Variants in INSC observed in about 807,000 individuals in gnomAD.
The protein encoded by INSC is INSC spindle orientation adaptor protein.
A neutral mutation model predicts 58.6 loss-of-function variants in INSC; 67 were observed. The observed-to-expected ratio is 1.14, with a 90% CI of 0.94 to 1.40. The LOEUF is 1.40. Ranked by LOEUF, INSC falls within the 40% of genes most tolerant of loss-of-function variation. The pLI is 0.00. For synonymous variants in INSC, 262 were observed against 276.1 expected (o/e 0.95, Z 0.51); for missense variants, 714 against 692.0 (o/e 1.03, Z -0.36).
chr11:15,122,802 AC>A (rs1847904445), intron 1 of INSC, among the ~76,000 whole-genome samples: 2 of 152,126 alleles, frequency 1.3e-5, no homozygotes, highest in Non-Finnish European at 2.9e-5. Flanking sequence ...CCTTATATCC[AC>A]ACTGGCTCCC....
At chr11:15,193,897 T>C (rs940259557) in intron 6 of INSC, among the ~76,000 whole-genome samples, 1 of 152,056 alleles carries the variant, frequency 6.6e-6, no homozygotes, top group African/African-American at 2.4e-5. Flanking sequence ...CTGTACCAGG[T>C]TGGTCTGCAG....
chr11:15,230,245 G>A (rs1056343236), intron 9 of INSC, among the ~76,000 whole-genome samples: 1 of 150,998 alleles, frequency 6.6e-6, no homozygotes, highest in Non-Finnish European at 1.5e-5. Flanking sequence ...AAGAAAAAAG[G>A]TTTAATTGGC....
chr11:15,256,961 A>T, the INSC span, among the ~76,000 whole-genome samples: 1 of 152,206 alleles, frequency 6.6e-6, no homozygotes, highest in African/African-American at 2.4e-5. Context: ...TTCAACTGTC[A>T]TTCCAGGGCT....
chr11:15,141,789 C>T (rs1329757310), intron 1 of INSC, among the ~76,000 whole-genome samples: 3 of 152,100 alleles, frequency 2.0e-5, no homozygotes, highest in East Asian at 3.9e-4. Flanking sequence ...GAGCTCTTTG[C>T]AGTCCTTCTT....
Position 15,200,771 on chromosome 11 carries a change from G to T in INSC, c.694-53G>T, listed in dbSNP as rs1850551789. 6.2e-6 allele frequency: 10 copies of T among 1,608,430 alleles called. No homozygotes were observed. In the Admixed American group the frequency reaches 1.0e-4, roughly 16 times the overall value. On this transcript the variant is annotated intron_variant, in intron 6 of 12. Transcript: ENST00000379556. ...AGGGATGTCACTTATTCTTGAGTTA[G>T]CCCCAGACAAGGTCACACAGTAAGA...
chr11:15,172,259 T>C (rs768912124), intron 2 of INSC, among the ~76,000 whole-genome samples: 2 of 152,280 alleles, frequency 1.3e-5, no homozygotes, highest in Non-Finnish European at 2.9e-5. Flanking sequence ...TAGAACACAA[T>C]AATCACAGTT....
At chr11:15,175,141 AAGAG>A in intron 2 of INSC, among the ~76,000 whole-genome samples, 1 of 152,354 alleles carries the variant, frequency 6.6e-6, no homozygotes, top group South Asian at 2.1e-4. Flanking sequence ...ATTACTCCTT[AAGAG>A]CCTTTAGCAT....
intron 2 of INSC, among the ~76,000 whole-genome samples, chr11:15,167,052 T>A (rs977919650): frequency 2.0e-5 from 3 of 152,042 alleles, no homozygotes; most frequent in Non-Finnish European, 4.4e-5. Flanking sequence ...GATTTTTTTT[T>A]ATTTTTTATT....
At chr11:15,219,407 A>G (rs1330012616) in intron 7 of INSC, among the ~76,000 whole-genome samples, 2 of 152,162 alleles carry the variant, frequency 1.3e-5, no homozygotes, top group Non-Finnish European at 1.5e-5. Flanking sequence ...TAATTTGTAG[A>G]TGTGAATCAC....
intron 12 of INSC, among the ~76,000 whole-genome samples, chr11:15,245,265 G>A (rs1014767507): frequency 3.3e-5 from 5 of 152,156 alleles, no homozygotes; most frequent in Admixed American, 3.3e-4. Context: ...ATAGGCAGGA[G>A]CAGGAAGTCA....
rs533535545 is a variant in INSC, at chr11:15,134,618, G to T, written c.-45-14512G>T. Among the ~76,000 whole-genome samples, 7 of 152,206 alleles carry T rather than the reference G, an allele frequency of 4.6e-5. No homozygotes were observed. In the South Asian group the frequency reaches 1.0e-3, roughly 22 times the overall value. ...CACCATCTCCTCCAGCACTGAGGAAGAAGTGACTTCCATGTGTGTAGCACA... is the reference window on the plus strand; with the variant it reads ...CACCATCTCCTCCAGCACTGAGGAATAAGTGACTTCCATGTGTGTAGCACA... On this transcript the variant is annotated intron_variant, in intron 1 of 12. Transcript: ENST00000379556.
At chr11:15,141,601 G>T (rs961174939) in intron 1 of INSC, among the ~76,000 whole-genome samples, 7 of 152,126 alleles carry the variant, frequency 4.6e-5, no homozygotes, top group African/African-American at 1.7e-4. Context: ...GGGCTGAGTG[G>T]CAGCTTGCTT....
Position 15,177,855 on chromosome 11 carries a change from G to A in INSC, c.456-469G>A, listed in dbSNP as rs181749926. Among the ~76,000 whole-genome samples the A allele has an allele frequency of 4.6e-5, 7 of 152,242 alleles. No individual in the cohort carries two copies. In the East Asian group the frequency reaches 1.4e-3, roughly 29 times the overall value. On this transcript the variant is annotated intron_variant, in intron 4 of 12. Coordinates refer to ENST00000379556, the MANE Select transcript of INSC (RefSeq NM_001042536.3). ...ATCCCCCTCTGTTTTTCTTGTCTGG[G>A]AAGAAAATTCTCAAGGCTCTCTGCA...
intron 1 of INSC, among the ~76,000 whole-genome samples, chr11:15,130,726 G>T (rs1184073529): frequency 6.6e-6 from 1 of 152,006 alleles, no homozygotes; most frequent in Non-Finnish European, 1.5e-5. Flanking sequence ...TTCAACTATT[G>T]ATGAATTCTT....
At chr11:15,263,466 T>G in the INSC span, among the ~76,000 whole-genome samples, 1 of 152,134 alleles carries the variant, frequency 6.6e-6, no homozygotes, top group Non-Finnish European at 1.5e-5. Flanking sequence ...GACAAGATCT[T>G]AAAGGTAGAC....
At chr11:15,217,752 C>T (rs1286589707) in intron 7 of INSC, among the ~76,000 whole-genome samples, 2 of 152,072 alleles carry the variant, frequency 1.3e-5, no homozygotes, top group African/African-American at 4.8e-5. Flanking sequence ...AAACAAAAGC[C>T]AAAACAAACC....
intron 1 of INSC, among the ~76,000 whole-genome samples, chr11:15,138,106 T>C (rs937336527): frequency 2.6e-5 from 4 of 152,130 alleles, no homozygotes; most frequent in African/African-American, 9.7e-5. Flanking sequence ...AGCAGGTTGG[T>C]GAAGTAGTCA....
At chr11:15,116,917 C>A (rs12794228) in intron 1 of INSC, among the ~76,000 whole-genome samples, 2 of 28,572 alleles carry the variant, frequency 7.0e-5, no homozygotes, top group African/African-American at 3.3e-4. Flanking sequence ...CCCTCCCTCC[C>A]TCCCTCCTTC....
chr11:15,246,773 G>C lies in INSC; in HGVS notation c.*733G>C, dbSNP rs1852580305. 6.6e-6 allele frequency: 1 copy of C among 152,166 alleles called. No individual in the cohort carries two copies. The highest frequency in any genetic ancestry group is 1.5e-5 in the Non-Finnish European group (1 of 68,020). The allele number at this position is 152,166 out of a possible 1,614,324, so 9.4% of individuals were successfully genotyped here. A position where few individuals can be genotyped will look rare whatever the true frequency, so the allele number is the denominator to read the frequency against. On this transcript the variant is annotated 3_prime_UTR_variant, in exon 13 of 13. Transcript: ENST00000379556. ...TTGTGTAACCTCCTGTTCACCTCCTGGTGAATAGAATCCTCAGATGAGGCT... is the reference window on the plus strand; with the variant it reads ...TTGTGTAACCTCCTGTTCACCTCCTCGTGAATAGAATCCTCAGATGAGGCT...
Sources: gnomAD v4.1 joint callset for allele counts (sites outside exome capture counted in the v4.1 genomes callset) on GRCh38, gnomAD v4.1.1 for gene constraint, MANE v1.5 for transcripts, NCBI Gene and HGNC (gene_info 2026-07-23, HGNC 2026-07-21) for gene names.